Variants in RCN2 observed in about 807,000 individuals in gnomAD.
The protein encoded by RCN2 is reticulocalbin 2.
Under a neutral mutation model 37.5 loss-of-function variants are expected in RCN2, and 23 were observed. The observed-to-expected ratio is 0.61, with a 90% CI of 0.44 to 0.87. RCN2 has a LOEUF of 0.87. Among genes scored for constraint, RCN2 ranks in the 40% least tolerant of loss-of-function variants. RCN2 has a pLI of 0.00. For missense variants in RCN2, 381 were observed against 390.4 expected, an observed-to-expected ratio of 0.98 and a Z score of 0.20; for synonymous variants, 140 against 144.6, an observed-to-expected ratio of 0.97 and a Z score of 0.23.
At chr15:76,946,535 C>T (rs995890357) in intron 4 of RCN2, among the ~76,000 whole-genome samples, 8 of 152,070 alleles carry the variant, frequency 5.3e-5, no homozygotes, top group South Asian at 2.1e-4. Flanking sequence ...GCAGATCATC[C>T]GAGGTTAGGA....
intron 5 of RCN2, 71 bp from the exon 6 acceptor site, chr15:76,948,339 G>A: frequency 9.3e-7 from 1 of 1,073,640 alleles, no homozygotes; most frequent in Middle Eastern, 2.6e-4. Context: ...TTATTCTAGG[G>A]ATATACCAAA....
intron 6 of RCN2, 58 bp downstream of exon 6, chr15:76,948,610 T>G (rs749937365): frequency 2.4e-5 from 35 of 1,447,612 alleles, no homozygotes; most frequent in Admixed American, 1.5e-4. Context: ...TTGGTGCTGT[T>G]GATAGGAAAA....
chr15:76,949,433 A>G lies in RCN2; in HGVS notation c.*211A>G, dbSNP rs2075310159. The G allele has an allele frequency of 5.2e-6, 2 of 383,838 alleles. No individual in the cohort carries two copies. Among genetic ancestry groups the G allele is most frequent in the African/African-American group, 4.2e-5 (2 of 48,144 alleles). The allele number at this position is 383,838 out of a possible 1,614,324, so 23.8% of individuals were successfully genotyped here. On this transcript the variant is annotated 3_prime_UTR_variant, in exon 7 of 7. Coordinates refer to ENST00000394885, the MANE Select transcript of RCN2 (RefSeq NM_002902.3). The stretch of plus-strand genomic sequence containing the variant: ...AATGTATTGAAGCAACAAAATATTA[A>G]TATTGTGCCATATGACAACAAAGTC...
intron 6 of RCN2, 148 bp downstream of exon 6, chr15:76,948,700 A>G: frequency 1.4e-6 from 1 of 713,756 alleles, no homozygotes; most frequent in Admixed American, 3.4e-5. Flanking sequence ...GAATTTACGA[A>G]CTGTTTAGAT....
At position 76,938,665 on chromosome 15, in the gene RCN2, G is replaced by A. The variant is rs151175143; in HGVS notation, c.447+2943G>A. On this transcript the variant is annotated intron_variant, in intron 3 of 6. Transcript: ENST00000394885. Reference sequence around the variant, plus strand: ...CTATTTATTTAGAATCATATTGGCCGCTTGAACTCTGTAAGCCACCACTAA... The same window carrying A: ...CTATTTATTTAGAATCATATTGGCCACTTGAACTCTGTAAGCCACCACTAA... The A allele has an allele frequency of 2.0e-4, 88 of 442,704 alleles. No individual in the cohort carries two copies. In the East Asian group the frequency reaches 4.1e-3, roughly 21 times the overall value. The allele number at this position is 442,704 out of a possible 1,614,324, so 27.4% of individuals were successfully genotyped here.
At chr15:76,932,504 C>T in intron 2 of RCN2, 38 bp downstream of exon 2, 1 of 1,371,336 alleles carries the variant, frequency 7.3e-7, no homozygotes, top group Non-Finnish European at 1.0e-6. Context: ...TGGAGACAAA[C>T]ACAAATATGT....
In RCN2 at chr15:76,940,546, C is replaced by CTTTTT. The variant is rs11463370; in HGVS notation, c.448-3196_448-3192dup. On this transcript the variant is annotated intron_variant, in intron 3 of 6. Transcript: ENST00000394885. ...AGTCAGCTTAATATCTGAACTTCAC[C>CTTTTT]TTTTTTTTTTTTTTTTTTTTGAGAG... 4.2e-5 allele frequency among the ~76,000 whole-genome samples: 5 copies of CTTTTT among 119,644 alleles called. 1 individual carries two copies. Among genetic ancestry groups the CTTTTT allele is most frequent in the African/African-American group, 9.2e-5 (3 of 32,666 alleles). The allele number at this position is 119,644 out of a possible 152,430, so 78.5% of individuals were successfully genotyped here.
rs2075267441 is a variant in RCN2 at position 76,939,273 on chromosome 15, A to G, written c.447+3551A>G. Among the ~76,000 whole-genome samples, 5 of 127,316 alleles carry G rather than the reference A, an allele frequency of 3.9e-5. No individual in the cohort carries two copies. In the Admixed American group the frequency reaches 4.2e-4, roughly 11 times the overall value. The allele number at this position is 127,316 out of a possible 152,430, so 83.5% of individuals were successfully genotyped here. On this transcript the variant is annotated intron_variant, in intron 3 of 6. Transcript: ENST00000394885. ...AAATAAATAAATAAATAAATAAATA[A>G]ATAAAAATTTCCTCTTTAGGATTAT...
At chr15:76,933,306 C>T (rs1482911468) in intron 2 of RCN2, among the ~76,000 whole-genome samples, 1 of 152,172 alleles carries the variant, frequency 6.6e-6, no homozygotes, top group Non-Finnish European at 1.5e-5. Context: ...TGCTGTTCAC[C>T]ATCAAGGAAT....
At chr15:76,946,786 G>A (rs765744390) in intron 4 of RCN2, among the ~76,000 whole-genome samples, 2 of 152,098 alleles carry the variant, frequency 1.3e-5, no homozygotes, top group Non-Finnish European at 2.9e-5. Context: ...ATTGAGGAAA[G>A]TACTGAAACA....
chr15:76,936,580 C>T (rs140794647), intron 3 of RCN2, among the ~76,000 whole-genome samples: 2 of 152,272 alleles, frequency 1.3e-5, no homozygotes, highest in African/African-American at 4.8e-5. Context: ...TAATGCCTGC[C>T]ACTCACCTCT....
intron 5 of RCN2, 108 bp downstream of exon 5, chr15:76,947,625 T>A: frequency 1.4e-6 from 1 of 726,046 alleles, no homozygotes; most frequent in Non-Finnish European, 2.4e-6. Flanking sequence ...AATGAGGATC[T>A]GTGTCTGATC....
Position 76,936,567 on chromosome 15 carries a change from C to T in RCN2, c.447+845C>T, listed in dbSNP as rs137855775. Among the ~76,000 whole-genome samples the T allele has an allele frequency of 1.3e-4, 20 of 152,262 alleles. 1 individual carries two copies. In the East Asian group the frequency reaches 2.9e-3, roughly 22 times the overall value. ...GATAGGAGGCAGAGCAGAGCTCAGA[C>T]GGTAATGCCTGCCACTCACCTCTTG... On this transcript the variant is annotated intron_variant, in intron 3 of 6. Transcript: ENST00000394885.
At position 76,949,311 on chromosome 15, in the gene RCN2, A is replaced by G. The variant is rs1011411419; in HGVS notation, c.*89A>G. 2.1e-6 allele frequency: 2 copies of G among 971,184 alleles called. No individual in the cohort carries two copies. The highest frequency in any genetic ancestry group is 2.9e-6 in the Non-Finnish European group (2 of 694,490). The allele number at this position is 971,184 out of a possible 1,614,324, so 60.2% of individuals were successfully genotyped here. A position where few individuals can be genotyped will look rare whatever the true frequency, so the allele number is the denominator to read the frequency against. On this transcript the variant is annotated 3_prime_UTR_variant, in exon 7 of 7. Coordinates refer to ENST00000394885, the MANE Select transcript of RCN2 (RefSeq NM_002902.3). ...TGATAAAATATTGATGTTGTATTTT[A>G]CACTCTTAAGTCTTAACCACAGTCA...
In RCN2 at chr15:76,951,300, A is replaced by G. The variant is rs937899105; in HGVS notation, c.*2078A>G. 5.3e-5 allele frequency: 8 copies of G among 152,226 alleles called. No homozygotes were observed. The highest frequency in any genetic ancestry group is 1.4e-4 in the African/African-American group (6 of 41,460). 9.4% of individuals were successfully genotyped at this position (152,226 alleles called of 1,614,324 possible). On this transcript the variant is annotated 3_prime_UTR_variant, in exon 7 of 7. Coordinates refer to ENST00000394885, the MANE Select transcript of RCN2 (RefSeq NM_002902.3). The stretch of plus-strand genomic sequence containing the variant: ...ATGGGTGGAAGTAGTGTGTGTCACT[A>G]TCAGACTATCTCATGACAAACCCTT...
At chr15:76,943,588 T>G (rs946435491) in intron 3 of RCN2, 170 bp from the exon 4 acceptor site, 8 of 483,226 alleles carry the variant, frequency 1.7e-5, no homozygotes, top group Middle Eastern at 5.6e-4. Context: ...CTAGAGCTTG[T>G]GAGTCTATCC....
intron 4 of RCN2, among the ~76,000 whole-genome samples, chr15:76,945,514 A>T (rs1226191272): frequency 1.3e-5 from 2 of 152,224 alleles, no homozygotes; most frequent in African/African-American, 4.8e-5. Flanking sequence ...TTGTAAGTTT[A>T]ACTCAACAAA....
At chr15:76,938,763 A>C in intron 3 of RCN2, 1 of 455,990 alleles carries the variant, frequency 2.2e-6, no homozygotes, top group Non-Finnish European at 4.4e-6. Context: ...CCTCAGAGCC[A>C]GTCTGCTTAG....
chr15:76,942,528 G>T (rs1359064868), intron 3 of RCN2: 2 of 152,230 alleles, frequency 1.3e-5, no homozygotes, highest in African/African-American at 4.8e-5. Flanking sequence ...TGGATGGGAA[G>T]ATGGGAGAGA....
Sources: allele counts gnomAD v4.1 joint callset (sites outside exome capture counted in the v4.1 genomes callset), GRCh38; gene constraint gnomAD v4.1.1; transcripts MANE v1.5; gene names NCBI Gene and HGNC (gene_info 2026-07-23, HGNC 2026-07-21).